Variants in ZFHX4 observed in about 807,000 individuals in gnomAD.
ZFHX4 encodes the protein zinc finger homeobox protein 4.
A neutral mutation model predicts 267.6 loss-of-function variants in ZFHX4; 56 were observed. That is an observed-to-expected ratio of 0.21 (90% CI 0.17 to 0.26). ZFHX4 has a LOEUF of 0.26. Among genes scored for constraint, ZFHX4 ranks in the 10% least tolerant of loss-of-function variants. The pLI, the probability that ZFHX4 is intolerant of heterozygous loss-of-function variation, is 1.00. For missense variants in ZFHX4, 4,332 were observed against 4,420.0 expected, an observed-to-expected ratio of 0.98 and a Z score of 0.56; for synonymous variants, 1,778 against 1,665.6, an observed-to-expected ratio of 1.07 and a Z score of -1.64.
In ZFHX4 at chr8:76,705,840, T is replaced by G. The variant is rs1379410925; in HGVS notation, c.1752T>G (p.Ser584Arg). The G allele has an allele frequency of 2.5e-6, 4 of 1,613,688 alleles. No individual in the cohort carries two copies. The highest frequency in any genetic ancestry group is 3.4e-6 in the Non-Finnish European group (4 of 1,179,858). Residue 584 changes from serine to arginine, a missense_variant, in exon 2 of 11, where the codon AGT (serine) becomes AGG (arginine). Physicochemically the swap from Ser to Arg is moderately radical, Grantham distance 110. This residue lies in a region of ZFHX4 where 1,195 missense variants were observed against 1,173.6 expected (regional missense o/e 1.02). Transcript: ENST00000651372. ...AAATAGCCCGGGGAGACGAAGACAG[T>G]TCAGCCACTCCTCACCAGCATGGCT... ...PSEIARGDEDSSATPHQHGFT... is the reference protein window; with the variant it reads ...PSEIARGDEDRSATPHQHGFT...
Position 76,852,163 on chromosome 8 carries a change from T to C in ZFHX4, c.5242T>C (p.Phe1748Leu). 6.2e-7 allele frequency: 1 copy of C among 1,613,812 alleles called. No individual in the cohort carries two copies. Among genetic ancestry groups the C allele is most frequent in the Non-Finnish European group, 8.5e-7 (1 of 1,179,844 alleles). ...LFPFYIPGTE[F>L]SLGPDLGLPG... ...TCCATTTTATATACCTGGGACGGAG[T>C]TCAGCTTGGGGCCAGATTTGGGCTT... The change falls in exon 10 of 11, where the codon TTC (phenylalanine) becomes CTC (leucine). Residue 1748 changes from phenylalanine to leucine, a missense_variant. Physicochemically the swap from Phe to Leu is conservative, Grantham distance 22. Transcript: ENST00000651372.
chr8:76,692,370 G>C (rs1807846801), intron 1 of ZFHX4, among the ~76,000 whole-genome samples: 1 of 152,098 alleles, frequency 6.6e-6, no homozygotes, highest in African/African-American at 2.4e-5. Flanking sequence ...TTATATACTT[G>C]ATATTAGTGA....
At position 76,851,574 on chromosome 8, in the gene ZFHX4, C is replaced by G; in HGVS notation, c.4653C>G (p.Thr1551=). ...YKCTVCKESF[T]QKNILLVHYN... ...GTACAGTGTGTAAAGAGTCATTCAC[C>G]CAAAAGAACATTCTCTTGGTCCACT... Residue 1551 remains threonine, a synonymous_variant, in exon 10 of 11, where the codon ACC becomes ACG. Coordinates refer to ENST00000651372, the MANE Select transcript of ZFHX4 (RefSeq NM_024721.5). The G allele has an allele frequency of 6.2e-7, 1 of 1,613,836 alleles. No individual in the cohort carries two copies. The highest frequency in any genetic ancestry group is 1.6e-4 in the Middle Eastern group (1 of 6,062).
intron 3 of ZFHX4, among the ~76,000 whole-genome samples, chr8:76,763,723 G>A (rs1418975306): frequency 6.6e-6 from 1 of 152,132 alleles, no homozygotes; most frequent in Non-Finnish European, 1.5e-5. Context: ...TATTACAGTT[G>A]ATTGTTGAGG....
At chr8:76,783,293 A>G (rs117184207) in intron 4 of ZFHX4, among the ~76,000 whole-genome samples, 2 of 152,128 alleles carry the variant, frequency 1.3e-5, no homozygotes, top group Non-Finnish European at 2.9e-5. Context: ...GGAGATGAAC[A>G]GCACTTGACG....
Position 76,704,385 on chromosome 8 carries a change from C to T in ZFHX4, c.297C>T (p.His99=). The T allele has an allele frequency of 6.2e-7, 1 of 1,614,034 alleles. No homozygotes were observed. Among genetic ancestry groups the T allele is most frequent in the Non-Finnish European group, 8.5e-7 (1 of 1,179,898 alleles). ...FPSLQKYMEH[H]CPNARLPVLK... is the part of the protein sequence containing the mutation. ...GTTTACAGAAATACATGGAACACCA[C>T]TGCCCTAATGCCCGCCTTCCTGTCC... The change falls in exon 2 of 11, where the codon CAC becomes CAT. Residue 99 remains histidine, a synonymous_variant. Transcript: ENST00000651372.
chr8:76,693,272 C>T (rs1807868101), intron 1 of ZFHX4: 1 of 152,036 alleles, frequency 6.6e-6, no homozygotes, highest in South Asian at 2.1e-4. Flanking sequence ...CTCTTGAAAT[C>T]TAGGTACTGA....
At chr8:76,780,820 A>G (rs569518425) in intron 4 of ZFHX4, among the ~76,000 whole-genome samples, 47 of 152,254 alleles carry the variant, frequency 3.1e-4, no homozygotes, top group African/African-American at 1.1e-3. Context: ...GAAGCATTGG[A>G]TCAATCCTGT....
rs1336526075 is a variant in ZFHX4 at position 76,867,157 on chromosome 8, C to T, written c.*2592C>T. 3 of 152,494 alleles carry T rather than the reference C, an allele frequency of 2.0e-5. No homozygotes were observed. Among genetic ancestry groups the T allele is most frequent in the African/African-American group, 7.2e-5 (3 of 41,434 alleles). 9.4% of individuals were successfully genotyped at this position (152,494 alleles called of 1,614,324 possible). ...TTTTGAAAACTTTTTTTTATTTTGT[C>T]ACAGACCTGTTGTCATAGTTGAAAT... On this transcript the variant is annotated 3_prime_UTR_variant, in exon 11 of 11. Transcript: ENST00000651372.
At chr8:76,736,540 C>G (rs1337722492) in intron 3 of ZFHX4, among the ~76,000 whole-genome samples, 1 of 151,892 alleles carries the variant, frequency 6.6e-6, no homozygotes, top group African/African-American at 2.4e-5. Flanking sequence ...GTAAGCAGAT[C>G]AAAAAGAGAA....
intron 10 of ZFHX4, among the ~76,000 whole-genome samples, chr8:76,861,735 G>GA (rs1402206333): frequency 6.6e-6 from 1 of 151,390 alleles, no homozygotes; most frequent in Non-Finnish European, 1.5e-5. Flanking sequence ...CTTAGCTAAA[G>GA]AAAAAGAAGC....
In ZFHX4 at chr8:76,863,934, A is replaced by G. The variant is rs548206094; in HGVS notation, c.10220A>G (p.Lys3407Arg). ...GTCAAGTATGAGTTTATATGCAGAA[A>G]GTGCCAGATGATGTTTACTGATGAA... ...PFVKYEFICR[K>R]CQMMFTDEDA... The change falls in exon 11 of 11, where the codon AAG becomes AGG. Residue 3407 changes from lysine (K) to arginine (R), a missense_variant. Lys to Arg is a conservative substitution (Grantham distance 26). Coordinates refer to ENST00000651372, the MANE Select transcript of ZFHX4 (RefSeq NM_024721.5). The G allele has an allele frequency of 2.5e-6, 4 of 1,600,994 alleles. No homozygotes were observed. In the East Asian group the frequency reaches 6.8e-5, roughly 27 times the overall value.
At chr8:76,821,983 A>G (rs138885557) in intron 4 of ZFHX4, among the ~76,000 whole-genome samples, 13 of 151,252 alleles carry the variant, frequency 8.6e-5, no homozygotes, top group East Asian at 5.9e-4. Context: ...CTGTTTCTCT[A>G]TCTCTCTCTC....
chr8:76,792,933 G>C (rs893018807), intron 4 of ZFHX4, among the ~76,000 whole-genome samples: 1 of 152,108 alleles, frequency 6.6e-6, no homozygotes, highest in Non-Finnish European at 1.5e-5. Context: ...GCACTGTTTA[G>C]GTGTCAGAAA....
Position 76,864,002 on chromosome 8 carries a change from C to G in ZFHX4, c.10288C>G (p.Gln3430Glu), listed in dbSNP as rs1033756883. 4 of 1,613,732 alleles carry G rather than the reference C, an allele frequency of 2.5e-6. No individual in the cohort carries two copies. The Admixed American group carries it at 6.7e-5, about 27-fold the overall frequency. Reference protein sequence around the residue: ...NHQKSFCYFGQPLIDPQETVL... With the variant: ...NHQKSFCYFGEPLIDPQETVL... ...TCAAAAGTCCTTCTGTTATTTCGGTCAGCCTTTGATTGACCCACAAGAGAC... is the reference window on the plus strand; with the variant it reads ...TCAAAAGTCCTTCTGTTATTTCGGTGAGCCTTTGATTGACCCACAAGAGAC... Residue 3430 changes from glutamine to glutamate, a missense_variant, in exon 11 of 11, where the codon CAG becomes GAG. Transcript: ENST00000651372.
intron 3 of ZFHX4, among the ~76,000 whole-genome samples, chr8:76,767,493 G>A (rs994251077): frequency 2.0e-5 from 3 of 152,122 alleles, no homozygotes; most frequent in Non-Finnish European, 2.9e-5. Flanking sequence ...ATTGCTGTAT[G>A]TGGGTATTGA....
At chr8:76,835,231 A>ATATATATG (rs1383300268) in intron 5 of ZFHX4, among the ~76,000 whole-genome samples, 35,315 of 124,416 alleles carry the variant, frequency 0.28, 5,929 homozygotes, top group African/African-American at 0.38. Context: ...ATATATATAT[A>ATATATATG]TATATATATG....
At chr8:76,757,015 C>T (rs898652444) in intron 3 of ZFHX4, among the ~76,000 whole-genome samples, 2 of 152,070 alleles carry the variant, frequency 1.3e-5, no homozygotes, top group African/African-American at 4.8e-5. Flanking sequence ...CATGATATAG[C>T]CATATTTAAT....
Position 76,705,949 on chromosome 8 carries a change from G to A in ZFHX4, c.1861G>A (p.Val621Met). Residue 621 changes from valine to methionine, a missense_variant, in exon 2 of 11, where the codon GTG (valine) becomes ATG (methionine). Coordinates refer to ENST00000651372, the MANE Select transcript of ZFHX4 (RefSeq NM_024721.5). Reference sequence around the variant, plus strand: ...CATCGAGTGTCCAAAGTGCGACACTGTGTTGGGGTCTTCGAGGTCTCTTGG... The same window carrying A: ...CATCGAGTGTCCAAAGTGCGACACTATGTTGGGGTCTTCGAGGTCTCTTGG... ...SGIECPKCDTVLGSSRSLGGH... is the reference protein window; with the variant it reads ...SGIECPKCDTMLGSSRSLGGH... 1 of 1,613,572 alleles carries A rather than the reference G, an allele frequency of 6.2e-7. No homozygotes were observed. The highest frequency in any genetic ancestry group is 8.5e-7 in the Non-Finnish European group (1 of 1,179,808).
Sources: allele counts gnomAD v4.1 joint callset (sites outside exome capture counted in the v4.1 genomes callset), GRCh38; gene constraint gnomAD v4.1.1; regional missense constraint gnomAD v4.1.1; transcripts MANE v1.5; gene names NCBI Gene and HGNC (gene_info 2026-07-23, HGNC 2026-07-21).